The following SYT3 variants were observed in gnomAD, a reference collection of about 807,000 sequenced individuals.
The protein encoded by SYT3 is synaptotagmin-3.
SYT3 carries 25 observed loss-of-function variants against 50.6 expected under a neutral mutation model. The observed-to-expected ratio is 0.49, with a 90% CI of 0.36 to 0.69. The LOEUF is 0.69. Ranked by LOEUF, SYT3 falls within the 30% of genes least tolerant of loss-of-function variation. The pLI, the probability that SYT3 is intolerant of heterozygous loss-of-function variation, is 0.00. For synonymous variants in SYT3, 323 were observed against 353.9 expected (o/e 0.91, Z 0.98); for missense variants, 589 against 793.6 (o/e 0.74, Z 3.10).
At chr19:50,626,586 G>A (rs567975969) in intron 6 of SYT3, among the ~76,000 whole-genome samples, 2 of 148,992 alleles carry the variant, frequency 1.3e-5, no homozygotes, top group Non-Finnish European at 3.0e-5. Flanking sequence ...GGAGGACAGA[G>A]GCCCAGAAAG....
At chr19:50,642,616 C>T (rs1445716772), upstream of SYT3, among the ~76,000 whole-genome samples, 3 of 151,748 alleles carry the variant, frequency 2.0e-5, no homozygotes, top group African/African-American at 7.3e-5. Context: ...GGCAGATCAC[C>T]TGAGGTCGGG....
chr19:50,650,770 C>T, the SYT3 span, among the ~76,000 whole-genome samples: 32 of 152,372 alleles, frequency 2.1e-4, no homozygotes, highest in African/African-American at 7.0e-4. Flanking sequence ...CCTCAGCCTT[C>T]GAGGCCGAAC....
In SYT3 at chr19:50,637,711, G is replaced by T; in HGVS notation, c.-15-285C>A. ...GGACTGGGTAAGTCAAGGGGACAGA[G>T]ATGGGCATGAGTGGAGTAGAGGACA... On this transcript the variant is annotated intron_variant, in intron 2 of 10. Coordinates refer to ENST00000600079, the MANE Select transcript of SYT3 (RefSeq NM_001160329.2). The surrounding 1 kb of genome is among the most constrained non-coding windows in gnomAD (Gnocchi z 4.9). 1 of 329,754 alleles carries T rather than the reference G, an allele frequency of 3.0e-6. No homozygotes were observed. The highest frequency in any genetic ancestry group is 5.7e-6 in the Non-Finnish European group (1 of 175,170). 20.4% of individuals were successfully genotyped at this position (329,754 alleles called of 1,614,324 possible).
At chr19:50,634,065 C>A (rs185793343) in intron 3 of SYT3, among the ~76,000 whole-genome samples, 36 of 152,236 alleles carry the variant, frequency 2.4e-4, no homozygotes, top group African/African-American at 8.2e-4. Flanking sequence ...TTCTGAATGC[C>A]ACATATGTGC....
At chr19:50,651,948 T>C in the SYT3 span, among the ~76,000 whole-genome samples, 2 of 152,346 alleles carry the variant, frequency 1.3e-5, no homozygotes, top group Admixed American at 6.5e-5. Context: ...GAGTTACTTT[T>C]TGATTCATTT....
At chr19:50,636,064 C>T (rs758238711) in intron 3 of SYT3, among the ~76,000 whole-genome samples, 3 of 152,066 alleles carry the variant, frequency 2.0e-5, no homozygotes, top group Non-Finnish European at 2.9e-5. Flanking sequence ...ACCAGCCTGG[C>T]GAACAGGATG....
At chr19:50,635,951 C>A (rs1599820264) in intron 3 of SYT3, among the ~76,000 whole-genome samples, 1 of 152,130 alleles carries the variant, frequency 6.6e-6, no homozygotes, top group Non-Finnish European at 1.5e-5. Flanking sequence ...TAAACCATAA[C>A]CATGAGTATA....
upstream of SYT3, among the ~76,000 whole-genome samples, chr19:50,641,962 C>T (rs546697819): frequency 6.6e-6 from 1 of 152,336 alleles, no homozygotes; most frequent in Admixed American, 6.5e-5. Context: ...GCAAATACAA[C>T]TTTAAGCACG....
rs116189824 is a variant in SYT3, at chr19:50,638,645, G to A, written c.-16+380C>T. Among the ~76,000 whole-genome samples, 1,199 of 152,162 alleles carry A rather than the reference G, an allele frequency of 7.9e-3. 20 individuals are homozygous for A. Among genetic ancestry groups the A allele is most frequent in the African/African-American group, 0.027 (1,117 of 41,496 alleles). ...CTTGAGAGACGAGAGGACGAGAGACGGTGAAGAGGGGCAGGCAGGAGTGTG... is the reference window on the plus strand; with the variant it reads ...CTTGAGAGACGAGAGGACGAGAGACAGTGAAGAGGGGCAGGCAGGAGTGTG... On this transcript the variant is annotated intron_variant, in intron 2 of 10. Transcript: ENST00000600079.
Position 50,625,032 on chromosome 19 carries a change from G to T in SYT3, c.1707+130C>A. ...GCTCTAAGCCGCACAGCTAAAGTTG[G>T]CACAGCAGGGATTGAAACCTAGGAC... On this transcript the variant is annotated intron_variant, in intron 9 of 10. Coordinates refer to ENST00000600079, the MANE Select transcript of SYT3 (RefSeq NM_001160329.2). The surrounding 1 kb of genome is among the most constrained non-coding windows in gnomAD (Gnocchi z 7.5). 1.9e-6 allele frequency: 2 copies of T among 1,042,658 alleles called. No individual in the cohort carries two copies. The highest frequency in any genetic ancestry group is 2.6e-6 in the Non-Finnish European group (2 of 783,304). 64.6% of individuals were successfully genotyped at this position (1,042,658 alleles called of 1,614,324 possible).
chr19:50,656,813 G>A, the SYT3 span, among the ~76,000 whole-genome samples: 29 of 152,110 alleles, frequency 1.9e-4, no homozygotes, highest in East Asian at 7.8e-4. Flanking sequence ...TTAGGCAGGC[G>A]TGGTGGCAGG....
In SYT3 at chr19:50,637,520, C is replaced by T. The variant is rs1327643819; in HGVS notation, c.-15-94G>A. The T allele has an allele frequency of 6.1e-6, 7 of 1,140,386 alleles. No homozygotes were observed. The highest frequency in any genetic ancestry group is 3.3e-5 in the South Asian group (2 of 61,396). 70.6% of individuals were successfully genotyped at this position (1,140,386 alleles called of 1,614,324 possible). On this transcript the variant is annotated intron_variant, in intron 2 of 10. Transcript: ENST00000600079. This position sits in a 1 kb window ranked among gnomAD's most constrained non-coding sequence, Gnocchi z 4.9. Reference sequence around the variant, plus strand: ...TGGAGATAAGGGTGGAAAGAGACACCGAGAAAAGGAAGGATGGGCAAAGGG... The same window carrying T: ...TGGAGATAAGGGTGGAAAGAGACACTGAGAAAAGGAAGGATGGGCAAAGGG...
intron 3 of SYT3, among the ~76,000 whole-genome samples, chr19:50,633,533 T>C (rs1247744129): frequency 6.6e-6 from 1 of 152,198 alleles, no homozygotes. Flanking sequence ...ACGACACAGT[T>C]AGGCAGGGCA....
At chr19:50,628,232 G>A (rs1984146893) in intron 6 of SYT3, among the ~76,000 whole-genome samples, 1 of 152,210 alleles carries the variant, frequency 6.6e-6, no homozygotes, top group Non-Finnish European at 1.5e-5. Flanking sequence ...TTAGGTTGGA[G>A]CGGGGGCGCT....
the SYT3 span, among the ~76,000 whole-genome samples, chr19:50,655,451 T>C: frequency 6.6e-6 from 1 of 151,896 alleles, no homozygotes; most frequent in African/African-American, 2.4e-5. Context: ...GAGATTGAGA[T>C]CATCCTGGCT....
rs375243023 is a variant in SYT3 at position 50,633,228 on chromosome 19, C to T, written c.149-417G>A. Among the ~76,000 whole-genome samples, 8 of 152,302 alleles carry T rather than the reference C, an allele frequency of 5.3e-5. No individual in the cohort carries two copies. In the East Asian group the frequency reaches 1.4e-3, roughly 26 times the overall value. On this transcript the variant is annotated intron_variant, in intron 3 of 10. Coordinates refer to ENST00000600079, the MANE Select transcript of SYT3 (RefSeq NM_001160329.2). ...AACTCCTGGCCTCAAGCAATCTTCC[C>T]ACCTTGGCCTCCCAAAGTGCTGTGA...
In SYT3 at chr19:50,637,050, G is replaced by A. The variant is rs897713224; in HGVS notation, c.148+214C>T. ...AAGGGGGCATTTGGTGGTGGTAGTCGGAGGGAGGCCCACAGGGCAAAACTC... is the reference window on the plus strand; with the variant it reads ...AAGGGGGCATTTGGTGGTGGTAGTCAGAGGGAGGCCCACAGGGCAAAACTC... On this transcript the variant is annotated intron_variant, in intron 3 of 10. Transcript: ENST00000600079. The surrounding 1 kb of genome is among the most constrained non-coding windows in gnomAD (Gnocchi z 4.9). Among the ~76,000 whole-genome samples the A allele has an allele frequency of 6.6e-5, 10 of 152,124 alleles. 1 individual carries two copies. Among genetic ancestry groups the A allele is most frequent in the Non-Finnish European group, 1.0e-4 (7 of 68,032 alleles).
intron 9 of SYT3, 53 bp from the exon 10 acceptor site, chr19:50,622,808 G>C (rs917711724): frequency 2.9e-6 from 2 of 682,722 alleles, no homozygotes; most frequent in Non-Finnish European, 2.7e-6. Context: ...AGTTGAAACA[G>C]ATGCTAATCA....
intron 3 of SYT3, among the ~76,000 whole-genome samples, chr19:50,634,044 T>C (rs745676711): frequency 7.9e-5 from 12 of 152,248 alleles, no homozygotes; most frequent in Non-Finnish European, 1.5e-4. Flanking sequence ...ATCAACAAGA[T>C]AGCTAACACA....
Sources: gnomAD v4.1 joint callset for allele counts (sites outside exome capture counted in the v4.1 genomes callset) on GRCh38, gnomAD v4.1.1 for gene constraint, Gnocchi (gnomAD v3.1) non-coding constraint, MANE v1.5 for transcripts, NCBI Gene and HGNC (gene_info 2026-07-23, HGNC 2026-07-21) for gene names.